The following MFSD12 variants were observed in gnomAD, a reference collection of about 807,000 sequenced individuals.
MFSD12 encodes major facilitator superfamily domain-containing protein 12.
In MFSD12, 67 loss-of-function variants were observed where a neutral mutation model predicts 51.2. The observed-to-expected ratio is 1.31, with a 90% confidence interval of 1.08 to 1.60. The LOEUF (loss-of-function observed/expected upper bound fraction) is 1.60, where lower values mean the gene tolerates loss of function less well. Among genes scored for constraint, MFSD12 ranks in the 40% most tolerant of loss-of-function variants. The pLI is 0.00. For synonymous variants in MFSD12, 441 were observed against 316.7 expected (o/e 1.39, Z -4.17); for missense variants, 921 against 673.0 (o/e 1.37, Z -4.08).
intron 8 of MFSD12, 91 bp from the exon 9 acceptor site, chr19:3,545,030 C>G (rs957277634): frequency 1.4e-6 from 2 of 1,468,722 alleles, no homozygotes; most frequent in Middle Eastern, 2.4e-4. Flanking sequence ...CCCCCGACAG[C>G]GGCTCCGTCC....
In MFSD12 at chr19:3,557,409, C is replaced by T; in HGVS notation, c.-6G>A. On this transcript the variant is annotated 5_prime_UTR_variant, in exon 1 of 10. Coordinates refer to ENST00000355415, the MANE Select transcript of MFSD12 (RefSeq NM_174983.5). ...GCTGGGGGTCCCGGGCCCATCGCGG[C>T]GCCGGGCCCGCGCCCCCCACCCCCG... is the stretch of plus-strand genomic sequence containing the variant. 8 of 1,223,452 alleles carry T rather than the reference C, an allele frequency of 6.5e-6. No individual in the cohort carries two copies. Among genetic ancestry groups the T allele is most frequent in the Non-Finnish European group, 7.2e-6 (7 of 978,146 alleles). The allele number at this position is 1,223,452 out of a possible 1,614,324, so 75.8% of individuals were successfully genotyped here. A position where few individuals can be genotyped will look rare whatever the true frequency, so the allele number is the denominator to read the frequency against.
At chr19:3,550,200 C>T (rs1305899836) in intron 2 of MFSD12, among the ~76,000 whole-genome samples, 1 of 152,164 alleles carries the variant, frequency 6.6e-6, no homozygotes, top group Non-Finnish European at 1.5e-5. Context: ...CCCAACAGCC[C>T]TCTCCCCCTA....
At chr19:3,552,958 A>C (rs911999045) in intron 1 of MFSD12, among the ~76,000 whole-genome samples, 2 of 151,986 alleles carry the variant, frequency 1.3e-5, no homozygotes, top group East Asian at 3.9e-4. Flanking sequence ...GGCACCTGGA[A>C]GGGCCCCTGT....
At chr19:3,545,825 G>A (rs1359157366) in intron 8 of MFSD12, among the ~76,000 whole-genome samples, 1 of 152,286 alleles carries the variant, frequency 6.6e-6, no homozygotes, top group Non-Finnish European at 1.5e-5. Flanking sequence ...CCTTCCAGCT[G>A]GGCCCACCCC....
downstream of MFSD12, chr19:3,544,178 G>C (rs10415404): frequency 1.4e-5 from 19 of 1,369,092 alleles, no homozygotes; most frequent in African/African-American, 2.7e-4. Flanking sequence ...GAGCCCCCCC[G>C]CAGGCAGACA....
At chr19:3,553,106 C>T (rs1456407588) in intron 1 of MFSD12, among the ~76,000 whole-genome samples, 1 of 152,128 alleles carries the variant, frequency 6.6e-6, no homozygotes, top group Non-Finnish European at 1.5e-5. Flanking sequence ...GGAACTAGGG[C>T]CTGGGAGGGT....
rs776480659 is a variant in MFSD12, at chr19:3,547,317, CAAG to C, written c.975_977del (p.Phe325del). ...TGATGGGCTTCATGAGGAAGGAGGA[CAAG>C]AAGCCGCTGAGGTACATCACCAGGG... On this transcript the variant is annotated inframe_deletion, in exon 6 of 10. Coordinates refer to ENST00000355415, the MANE Select transcript of MFSD12 (RefSeq NM_174983.5). 1 of 1,613,332 alleles carries C rather than the reference CAAG, an allele frequency of 6.2e-7. No individual in the cohort carries two copies. The highest frequency in any genetic ancestry group is 1.1e-5 in the South Asian group (1 of 91,092).
intron 1 of MFSD12, 41 bp downstream of exon 1, chr19:3,557,065 C>A (rs780553843): frequency 2.2e-5 from 30 of 1,387,580 alleles, no homozygotes; most frequent in Non-Finnish European, 2.6e-5. Flanking sequence ...CGCGGAGTCT[C>A]GGAGGGGCTG....
intron 1 of MFSD12, among the ~76,000 whole-genome samples, chr19:3,553,819 T>C (rs1342027588): frequency 6.7e-6 from 1 of 149,518 alleles, no homozygotes; most frequent in Non-Finnish European, 1.5e-5. Context: ...CGGTGGCTCA[T>C]GCTTGTAATC....
At position 3,548,196 on chromosome 19, in the gene MFSD12, G is replaced by A. The variant is rs749275401; in HGVS notation, c.581C>T (p.Ser194Leu). Residue 194 changes from serine to leucine, a missense_variant, in exon 3 of 10, where the codon TCG becomes TTG. Coordinates refer to ENST00000355415, the MANE Select transcript of MFSD12 (RefSeq NM_174983.5). ...AAWLLLHLQG[S>L]SRVEPTQDIS... ...GTCTTGGGTGGGCTCCACCCGCGAC[G>A]AGCCCTGCAGGTGCAGCAGGAGCCA... The A allele has an allele frequency of 3.4e-5, 53 of 1,572,054 alleles. 1 individual carries two copies. Among genetic ancestry groups the A allele is most frequent in the African/African-American group, 4.1e-5 (3 of 73,860 alleles).
chr19:3,548,254 C>T lies in MFSD12; in HGVS notation c.523G>A (p.Val175Met), dbSNP rs373715399. Residue 175 changes from valine (V) to methionine (M), a missense_variant, in exon 3 of 10, where the codon GTG becomes ATG. Physicochemically the swap from Val to Met is conservative, Grantham distance 21. Transcript: ENST00000355415. ...CCGTAGACGGTGATGTTGGCCACCA[C>T]GGTGAACGCATACCTGGCGGGCAGG... ...ELTALRYAFT[V>M]VANITVYGAA... 48 of 1,549,652 alleles carry T rather than the reference C, an allele frequency of 3.1e-5. No homozygotes were observed. Among genetic ancestry groups the T allele is most frequent in the Middle Eastern group, 1.9e-4 (1 of 5,356 alleles).
intron 2 of MFSD12, among the ~76,000 whole-genome samples, chr19:3,549,511 T>C (rs1432082661): frequency 2.7e-5 from 4 of 149,204 alleles, no homozygotes; most frequent in Admixed American, 6.7e-5. Flanking sequence ...ATCACTGAGG[T>C]CAGGAGTTCG....
chr19:3,548,095 C>G (rs2145198265), intron 3 of MFSD12, 28 bp downstream of exon 3: 1 of 1,603,296 alleles, frequency 6.2e-7, no homozygotes, highest in East Asian at 2.2e-5. Flanking sequence ...TCGAGGACTT[C>G]AGGCGACCCA....
chr19:3,544,140 G>T, downstream of MFSD12: 1 of 1,410,894 alleles, frequency 7.1e-7, no homozygotes, highest in African/African-American at 1.5e-5. Flanking sequence ...CCAGGGCAGG[G>T]CTGAGATGCC....
intron 8 of MFSD12, among the ~76,000 whole-genome samples, 192 bp downstream of exon 8, chr19:3,545,879 CCAA>C (rs1224691187): frequency 1.3e-5 from 2 of 152,184 alleles, no homozygotes; most frequent in Non-Finnish European, 2.9e-5. Flanking sequence ...ACACATGGAC[CCAA>C]CGTTTGTTGA....
intron 4 of MFSD12, 22 bp from the exon 5 acceptor site, chr19:3,547,569 G>T: frequency 6.3e-7 from 1 of 1,591,900 alleles, no homozygotes; most frequent in Non-Finnish European, 8.6e-7. Flanking sequence ...CCGACAGAGG[G>T]ACTGGCAGGG....
intron 1 of MFSD12, among the ~76,000 whole-genome samples, chr19:3,553,286 G>C (rs2031567230): frequency 6.6e-6 from 1 of 152,074 alleles, no homozygotes. Flanking sequence ...GCAAGTGACT[G>C]TGCCTCTCTA....
rs937752991 is a variant in MFSD12, at chr19:3,544,207, T to C, written c.*503A>G. 1.7e-4 allele frequency: 232 copies of C among 1,352,660 alleles called. No individual in the cohort carries two copies. The highest frequency in any genetic ancestry group is 3.9e-4 in the South Asian group (20 of 51,212). The allele number at this position is 1,352,660 out of a possible 1,614,324, so 83.8% of individuals were successfully genotyped here. A position where few individuals can be genotyped will look rare whatever the true frequency, so the allele number is the denominator to read the frequency against. ...GCAGACAGGAGCCAGGCTGCCGTCATCTCTTTATTTGCTGCCAGCAGAGTC... is the reference window on the plus strand; with the variant it reads ...GCAGACAGGAGCCAGGCTGCCGTCACCTCTTTATTTGCTGCCAGCAGAGTC... On this transcript the variant is annotated 3_prime_UTR_variant, in exon 10 of 10. Transcript: ENST00000355415.
chr19:3,546,371 G>A lies in MFSD12; in HGVS notation c.1078C>T (p.Leu360=), dbSNP rs2031050730. The A allele has an allele frequency of 1.2e-6, 2 of 1,608,072 alleles. No homozygotes were observed. The highest frequency in any genetic ancestry group is 8.5e-7 in the Non-Finnish European group (1 of 1,177,930). ...VILAFAAWVA[L]AEGLGVAVYA... ...ACGGCCACACCCAGTCCCTCCGCCA[G>A]CGCCACCCAGGCGGCAAAGGCCAGG... The change falls in exon 7 of 10, where the codon CTG becomes TTG. Residue 360 remains leucine, a synonymous_variant. Coordinates refer to ENST00000355415, the MANE Select transcript of MFSD12 (RefSeq NM_174983.5).
Sources: gnomAD v4.1 joint callset for allele counts (sites outside exome capture counted in the v4.1 genomes callset) on GRCh38, gnomAD v4.1.1 for gene constraint, MANE v1.5 for transcripts, NCBI Gene and HGNC (gene_info 2026-07-23, HGNC 2026-07-21) for gene names.